The following SUN1 variants were observed in gnomAD, a reference collection of about 807,000 sequenced individuals.
SUN1 encodes Sad1 and UNC84 domain containing 1.
Under a neutral mutation model 103.2 loss-of-function variants are expected in SUN1, and 61 were observed. The ratio of observed to expected loss-of-function variants is 0.59; its 90% confidence interval spans 0.48 to 0.73. The LOEUF (loss-of-function observed/expected upper bound fraction) is 0.73. SUN1 is among the 30% of genes least tolerant of loss of function. The pLI is 0.00. For synonymous variants in SUN1, 490 were observed against 425.7 expected (o/e 1.15, Z -1.86); for missense variants, 1,052 against 1,034.6 (o/e 1.02, Z -0.23).
chr7:820,070 C>T (rs1046225035), intron 1 of SUN1, among the ~76,000 whole-genome samples: 22 of 152,082 alleles, frequency 1.4e-4, no homozygotes, highest in African/African-American at 5.3e-4. Context: ...CATTGCAGTT[C>T]CATATGAATT....
chr7:857,486 A>G (rs1828601820), intron 12 of SUN1, among the ~76,000 whole-genome samples: 1 of 152,212 alleles, frequency 6.6e-6, no homozygotes, highest in Admixed American at 6.5e-5. Context: ...AGCATGAGCC[A>G]CCGCACCCAG....
rs995109673 is a variant in SUN1 at position 838,815 on chromosome 7, A to G, written c.95A>G (p.Asp32Gly). 7.7e-6 allele frequency: 12 copies of G among 1,554,074 alleles called. No individual in the cohort carries two copies. The African/African-American group carries it at 8.1e-5, about 11-fold the overall frequency. ...TYALSSSYSS[D>G]ALDFETEHKL... Reference sequence around the variant, plus strand: ...CCTTCTAGTTCCAGCTATTCTTCAGATGCTCTGGATTTTGAGACGGAGCAC... The same window carrying G: ...CCTTCTAGTTCCAGCTATTCTTCAGGTGCTCTGGATTTTGAGACGGAGCAC... Residue 32 changes from aspartate (D) to glycine (G), a missense_variant, in exon 2 of 19, where the codon GAT becomes GGT. By Grantham distance (94) the Asp-to-Gly change is moderately conservative. Around this residue, in one of 2 missense-constraint regions of SUN1, gnomAD observed 846 missense variants for 774.5 expected, o/e 1.09. Coordinates refer to ENST00000401592, the MANE Select transcript of SUN1 (RefSeq NM_001130965.3).
chr7:822,874 C>T (rs573972496), intron 1 of SUN1, among the ~76,000 whole-genome samples: 1 of 152,284 alleles, frequency 6.6e-6, no homozygotes, highest in African/African-American at 2.4e-5. Flanking sequence ...AGCCCTGTGG[C>T]CACCCGCGAA....
chr7:826,291 C>CATTTGACAACCCCGGTCTGGGGTG (rs1554260460), intron 1 of SUN1, among the ~76,000 whole-genome samples: 2 of 151,260 alleles, frequency 1.3e-5, no homozygotes, highest in South Asian at 2.1e-4. Flanking sequence ...GGCTAGCTGC[C>CATTTGACAACCCCGGTCTGGGGTG]GTTTGACAAC....
intron 18 of SUN1, among the ~76,000 whole-genome samples, chr7:872,914 C>T (rs891917655): frequency 5.3e-5 from 8 of 151,940 alleles, no homozygotes; most frequent in African/African-American, 1.7e-4. Flanking sequence ...TGGCGAAACC[C>T]GGTCTCTACT....
chr7:822,474 G>A (rs1044247951), intron 1 of SUN1, among the ~76,000 whole-genome samples: 2 of 152,214 alleles, frequency 1.3e-5, no homozygotes, highest in African/African-American at 4.8e-5. Flanking sequence ...GGTCCCTACG[G>A]TGGGGAGACA....
upstream of SUN1, among the ~76,000 whole-genome samples, chr7:829,907 A>C (rs1796417488): frequency 6.6e-6 from 1 of 152,192 alleles, no homozygotes; most frequent in African/African-American, 2.4e-5. Context: ...TTACTCTTCA[A>C]AATAACCGCA....
chr7:869,226 C>T (rs1839682106), intron 16 of SUN1, 123 bp from the exon 17 acceptor site: 1 of 1,235,714 alleles, frequency 8.1e-7, no homozygotes, highest in African/African-American at 1.5e-5. Flanking sequence ...GGATTTTGCT[C>T]ATGGCAGTTT....
intron 16 of SUN1, 22 bp downstream of exon 16, chr7:866,089 G>A (rs377205421): frequency 6.3e-7 from 1 of 1,599,576 alleles, no homozygotes; most frequent in Non-Finnish European, 8.6e-7. Context: ...CCGGTGGCCG[G>A]AGCTGCTCCT....
intron 1 of SUN1, among the ~76,000 whole-genome samples, chr7:825,374 T>G (rs570701869): frequency 9.8e-5 from 15 of 152,324 alleles, no homozygotes; most frequent in African/African-American, 3.4e-4. Flanking sequence ...TTATGTTAAT[T>G]TTAAAAATTA....
intron 2 of SUN1, among the ~76,000 whole-genome samples, chr7:840,677 T>C (rs1432166158): frequency 6.8e-6 from 1 of 147,970 alleles, no homozygotes; most frequent in African/African-American, 2.5e-5. Context: ...AGTCTCACTC[T>C]GTCTCCCAGG....
At chr7:869,803 T>C (rs1265760847) in intron 17 of SUN1, among the ~76,000 whole-genome samples, 2 of 152,290 alleles carry the variant, frequency 1.3e-5, no homozygotes, top group Non-Finnish European at 2.9e-5. Context: ...AAAGGTGTTC[T>C]GGCAACTGGA....
At position 861,360 on chromosome 7, in the gene SUN1, C is replaced by G. The variant is rs774242247; in HGVS notation, c.1780-20C>G. On this transcript the variant is annotated intron_variant, in intron 14 of 18. Transcript: ENST00000401592. ...TCTCCTGTTCTGGTGTTTGGTCTTCCGTCCCTCGTGTCTGTCCAGCAAGCA... is the reference window on the plus strand; with the variant it reads ...TCTCCTGTTCTGGTGTTTGGTCTTCGGTCCCTCGTGTCTGTCCAGCAAGCA... The G allele has an allele frequency of 5.6e-6, 9 of 1,613,848 alleles. No individual in the cohort carries two copies. The East Asian group carries it at 1.8e-4, about 32-fold the overall frequency.
chr7:866,403 C>T (rs977801847), intron 16 of SUN1, among the ~76,000 whole-genome samples: 10 of 152,122 alleles, frequency 6.6e-5, no homozygotes, highest in Non-Finnish European at 1.0e-4. Context: ...TCTTCCGTCA[C>T]GAGAGTGGCA....
intron 3 of SUN1, 87 bp from the exon 4 acceptor site, chr7:843,119 C>T: frequency 1.3e-6 from 2 of 1,570,926 alleles, no homozygotes; most frequent in Non-Finnish European, 1.7e-6. Flanking sequence ...CCATTGTAAC[C>T]TTTACATTTT....
rs1823126855 is a variant in SUN1, at chr7:852,462, C to T, written c.852-147C>T. 21 of 860,822 alleles carry T rather than the reference C, an allele frequency of 2.4e-5. No individual in the cohort carries two copies. The South Asian group carries it at 3.1e-4, about 13-fold the overall frequency. 53.3% of individuals were successfully genotyped at this position (860,822 alleles called of 1,614,324 possible). ...TTTTACATGAAGGTTCTCCTGAAGGCATCAGAAGCCTTGTAGATAAAACCG... is the reference window on the plus strand; with the variant it reads ...TTTTACATGAAGGTTCTCCTGAAGGTATCAGAAGCCTTGTAGATAAAACCG... On this transcript the variant is annotated intron_variant, in intron 7 of 18. Coordinates refer to ENST00000401592, the MANE Select transcript of SUN1 (RefSeq NM_001130965.3).
chr7:829,126 C>G (rs1253981874), upstream of SUN1, among the ~76,000 whole-genome samples: 1 of 152,226 alleles, frequency 6.6e-6, no homozygotes, highest in East Asian at 1.9e-4. Flanking sequence ...CAGATTCTTT[C>G]CAGGTTTTTC....
At position 872,570 on chromosome 7, in the gene SUN1, C is replaced by CT. The variant is rs1260636442; in HGVS notation, c.2241+9dup. On this transcript the variant is annotated intron_variant, in intron 18 of 18. Transcript: ENST00000401592. ...CAGATGTTCCAGGCCCTGGTAAGAA[C>CT]TGGGACTGGCACTGCCTGGGGTCTC... 3 of 1,571,194 alleles carry CT rather than the reference C, an allele frequency of 1.9e-6. No individual in the cohort carries two copies. In the East Asian group the frequency reaches 7.0e-5, roughly 37 times the overall value.
At chr7:869,314 C>G in intron 16 of SUN1, 35 bp from the exon 17 acceptor site, 1 of 1,603,352 alleles carries the variant, frequency 6.2e-7, no homozygotes, top group Non-Finnish European at 8.5e-7. Flanking sequence ...AGAGCATGCT[C>G]ACACTCTGAG....
Sources: allele counts gnomAD v4.1 joint callset (sites outside exome capture counted in the v4.1 genomes callset), GRCh38; gene constraint gnomAD v4.1.1; regional missense constraint gnomAD v4.1.1; transcripts MANE v1.5; gene names NCBI Gene and HGNC (gene_info 2026-07-23, HGNC 2026-07-21).